TBC1D16: variants seen among roughly 807,000 people sequenced by gnomAD.
TBC1D16 encodes the protein CTD-2529O21.1.
Under a neutral mutation model 74.7 loss-of-function variants are expected in TBC1D16, and 58 were observed. That is an observed-to-expected ratio of 0.78 (90% CI 0.63 to 0.97). TBC1D16 has a LOEUF of 0.97. TBC1D16 is among the 50% of genes least tolerant of loss of function. TBC1D16 has a pLI of 0.00. For missense variants in TBC1D16, 1,014 were observed against 1,079.5 expected (o/e 0.94, Z 0.85); for synonymous variants, 493 against 474.7 (o/e 1.04, Z -0.50).
chr17:80,027,113 T>C (rs1328921619), intron 1 of TBC1D16, among the ~76,000 whole-genome samples: 4 of 152,304 alleles, frequency 2.6e-5, no homozygotes, highest in Admixed American at 6.5e-5. Context: ...TCAAAGCACC[T>C]TGTGGCAATT....
chr17:79,999,386 CT>C (rs1415315114), intron 3 of TBC1D16, among the ~76,000 whole-genome samples: 1 of 152,120 alleles, frequency 6.6e-6, no homozygotes, highest in Non-Finnish European at 1.5e-5. Flanking sequence ...AAAATACTTG[CT>C]GTCTGGCCCA....
chr17:79,943,392 T>A (rs7222531), intron 10 of TBC1D16, among the ~76,000 whole-genome samples: 46,645 of 151,982 alleles, frequency 0.31, 7,632 homozygotes, highest in Non-Finnish European at 0.37. Context: ...CATAGGCAGA[T>A]TTCAGTTCCC....
At chr17:80,012,179 T>C (rs1467531444) in intron 2 of TBC1D16, among the ~76,000 whole-genome samples, 2 of 152,036 alleles carry the variant, frequency 1.3e-5, no homozygotes, top group African/African-American at 2.4e-5. Flanking sequence ...GGCTGGGAAA[T>C]TTGGGGAATG....
rs1013241697 is a variant in TBC1D16 at position 79,987,394 on chromosome 17, A to C, written c.779+22766T>G. 3.3e-5 allele frequency among the ~76,000 whole-genome samples: 5 copies of C among 151,776 alleles called. No homozygotes were observed. The highest frequency in any genetic ancestry group is 9.7e-5 in the African/African-American group (4 of 41,296). On this transcript the variant is annotated intron_variant, in intron 3 of 11. Coordinates refer to ENST00000310924, the MANE Select transcript of TBC1D16 (RefSeq NM_019020.4). The surrounding 1 kb of genome is among the most constrained non-coding windows in gnomAD (Gnocchi z 5.2). Reference sequence around the variant, plus strand: ...CCCGAGTAGCTGGGACCACAGGTGCACGCCATCACGCCCAGCTAAATTTTT... The same window carrying C: ...CCCGAGTAGCTGGGACCACAGGTGCCCGCCATCACGCCCAGCTAAATTTTT...
At chr17:79,973,722 G>GA (rs923294403) in intron 3 of TBC1D16, among the ~76,000 whole-genome samples, 2 of 74,272 alleles carry the variant, frequency 2.7e-5, no homozygotes, top group Non-Finnish European at 3.5e-5. Flanking sequence ...AAAAAAAAAA[G>GA]AAAAAAAAAT....
chr17:80,007,094 G>A lies in TBC1D16; in HGVS notation c.779+3066C>T, dbSNP rs1049252582. Among the ~76,000 whole-genome samples the A allele has an allele frequency of 1.3e-5, 2 of 152,176 alleles. No homozygotes were observed. The highest frequency in any genetic ancestry group is 2.1e-4 in the South Asian group (1 of 4,834). ...GGAGAGTCCCATCCACATCCACCTC[G>A]TCCCAGCACAAAGCTGCAACTCGCC... is the stretch of plus-strand genomic sequence containing the variant. On this transcript the variant is annotated intron_variant, in intron 3 of 11. Coordinates refer to ENST00000310924, the MANE Select transcript of TBC1D16 (RefSeq NM_019020.4). The surrounding 1 kb of genome is among the most constrained non-coding windows in gnomAD (Gnocchi z 4.5).
chr17:80,014,177 T>C (rs1193847888), intron 1 of TBC1D16, among the ~76,000 whole-genome samples: 1 of 151,792 alleles, frequency 6.6e-6, no homozygotes, highest in Non-Finnish European at 1.5e-5. Context: ...GCCAACATGG[T>C]GAAACATCAT....
Position 79,935,456 on chromosome 17 carries a change from T to A in TBC1D16, c.*5403A>T, listed in dbSNP as rs2031525884. On this transcript the variant is annotated 3_prime_UTR_variant, in exon 12 of 12. Transcript: ENST00000310924. ...TCAGTCCCCACAGCCCCCATCCAGC[T>A]CTCTTTTACACCTTCCCCTCCCCCA... 6.6e-6 allele frequency: 1 copy of A among 152,108 alleles called. No homozygotes were observed. Among genetic ancestry groups the A allele is most frequent in the Admixed American group, 6.5e-5 (1 of 15,280 alleles). The allele number at this position is 152,108 out of a possible 1,614,324, so 9.4% of individuals were successfully genotyped here.
chr17:79,952,413 GGCTACCATCAC>G (rs1409051662), intron 4 of TBC1D16, among the ~76,000 whole-genome samples: 1 of 152,228 alleles, frequency 6.6e-6, no homozygotes, highest in African/African-American at 2.4e-5. Context: ...AGCAACCGCT[GGCTACCATCAC>G]GCTGAAGGTA....
At chr17:80,033,623 A>T (rs2036848255) in intron 1 of TBC1D16, among the ~76,000 whole-genome samples, 1 of 152,152 alleles carries the variant, frequency 6.6e-6, no homozygotes. Flanking sequence ...TTCTCCCAAA[A>T]TACAGGATTA....
At position 79,981,528 on chromosome 17, in the gene TBC1D16, C is replaced by A. The variant is rs537796240; in HGVS notation, c.779+28632G>T. On this transcript the variant is annotated intron_variant, in intron 3 of 11. Transcript: ENST00000310924. This position sits in a 1 kb window ranked among gnomAD's most constrained non-coding sequence, Gnocchi z 6.9. ...GGCACACACTTCACAAAAGAAGACA[C>A]CAGGTGAACAAGCACGCAGAGACAT... Among the ~76,000 whole-genome samples the A allele has an allele frequency of 2.2e-3, 333 of 152,304 alleles. No homozygotes were observed. The highest frequency in any genetic ancestry group is 3.5e-3 in the Admixed American group (53 of 15,300).
rs552828973 is a variant in TBC1D16, at chr17:80,011,643, G to A, written c.182-886C>T. The stretch of plus-strand genomic sequence containing the variant: ...AGATCGAGACCATCGTGGCTAACAT[G>A]GTGAAACCCTGTCTCTACTAAATGT... On this transcript the variant is annotated intron_variant, in intron 2 of 11. Coordinates refer to ENST00000310924, the MANE Select transcript of TBC1D16 (RefSeq NM_019020.4). 3.1e-4 allele frequency among the ~76,000 whole-genome samples: 47 copies of A among 152,262 alleles called. No homozygotes were observed. The South Asian group carries it at 8.7e-3, about 28-fold the overall frequency.
chr17:80,021,554 T>C (rs904199484), intron 1 of TBC1D16, among the ~76,000 whole-genome samples: 4 of 149,718 alleles, frequency 2.7e-5, no homozygotes, highest in Non-Finnish European at 4.4e-5. Flanking sequence ...AATACAGAGA[T>C]TAAGCTGAGA....
At chr17:79,958,133 A>G (rs2033425798) in intron 3 of TBC1D16, among the ~76,000 whole-genome samples, 2 of 152,088 alleles carry the variant, frequency 1.3e-5, no homozygotes, top group African/African-American at 4.8e-5. Flanking sequence ...CAATTAACAA[A>G]TTATAAAATC....
rs1407111264 is a variant in TBC1D16 at position 79,935,861 on chromosome 17, A to G, written c.*4998T>C. 2 of 152,224 alleles carry G rather than the reference A, an allele frequency of 1.3e-5. No individual in the cohort carries two copies. Among genetic ancestry groups the G allele is most frequent in the Non-Finnish European group, 2.9e-5 (2 of 68,040 alleles). 9.4% of individuals were successfully genotyped at this position (152,224 alleles called of 1,614,324 possible). A position where few individuals can be genotyped will look rare whatever the true frequency, so the allele number is the denominator to read the frequency against. ...TGAAAATTTCCCCTAAACCATAACAAAAACTGTCCTCCTTACCCCAAAAGT... is the reference window on the plus strand; with the variant it reads ...TGAAAATTTCCCCTAAACCATAACAGAAACTGTCCTCCTTACCCCAAAAGT... On this transcript the variant is annotated 3_prime_UTR_variant, in exon 12 of 12. Coordinates refer to ENST00000310924, the MANE Select transcript of TBC1D16 (RefSeq NM_019020.4).
rs960847498 is a variant in TBC1D16 at position 79,950,340 on chromosome 17, C to T, written c.1257+71G>A. 6 of 1,493,932 alleles carry T rather than the reference C, an allele frequency of 4.0e-6. No homozygotes were observed. The African/African-American group carries it at 4.2e-5, about 10-fold the overall frequency. The allele number at this position is 1,493,932 out of a possible 1,614,324, so 92.5% of individuals were successfully genotyped here. ...GGGCGGGCGGCCAGGCCCCGGCCCT[C>T]CTTCCCTCTCGCTCGTTCCCGGTTC... is the stretch of plus-strand genomic sequence containing the variant. On this transcript the variant is annotated intron_variant, in intron 6 of 11. Coordinates refer to ENST00000310924, the MANE Select transcript of TBC1D16 (RefSeq NM_019020.4). The surrounding 1 kb of genome is among the most constrained non-coding windows in gnomAD (Gnocchi z 4.6).
intron 3 of TBC1D16, among the ~76,000 whole-genome samples, chr17:79,970,220 T>C (rs1274933680): frequency 1.3e-5 from 2 of 152,132 alleles, no homozygotes; most frequent in Non-Finnish European, 2.9e-5. Context: ...ATATGAAATA[T>C]CCAGAATAGG....
At chr17:79,953,562 G>A (rs1181336486) in intron 3 of TBC1D16, among the ~76,000 whole-genome samples, 1 of 152,186 alleles carries the variant, frequency 6.6e-6, no homozygotes, top group Non-Finnish European at 1.5e-5. Flanking sequence ...CTGGCAAGTG[G>A]TAGAGCTGAG....
chr17:79,948,513 C>T (rs543045702), intron 8 of TBC1D16, among the ~76,000 whole-genome samples: 4 of 152,206 alleles, frequency 2.6e-5, no homozygotes, highest in African/African-American at 9.6e-5. Context: ...GTCACAGATG[C>T]CAGCCTCTGG....
Sources: allele counts gnomAD v4.1 joint callset (sites outside exome capture counted in the v4.1 genomes callset), GRCh38; gene constraint gnomAD v4.1.1; non-coding constraint Gnocchi (gnomAD v3.1); transcripts MANE v1.5; gene names NCBI Gene and HGNC (gene_info 2026-07-23, HGNC 2026-07-21).